MICU2: variants seen among roughly 807,000 people sequenced by gnomAD.
MICU2 encodes calcium uptake protein 2, mitochondrial.
A neutral mutation model predicts 60.4 loss-of-function variants in MICU2; 64 were observed. The ratio of observed to expected loss-of-function variants is 1.06; its 90% CI spans 0.87 to 1.31. The LOEUF (loss-of-function observed/expected upper bound fraction) is 1.31. Among genes scored for constraint, MICU2 ranks in the 50% most tolerant of loss-of-function variants. MICU2 has a pLI of 0.00. For synonymous variants in MICU2, 201 were observed against 175.0 expected (o/e 1.15, Z -1.17); for missense variants, 569 against 531.0 (o/e 1.07, Z -0.70).
At chr13:21,596,771 T>C (rs988696695) in intron 1 of MICU2, among the ~76,000 whole-genome samples, 9 of 152,138 alleles carry the variant, frequency 5.9e-5, no homozygotes, top group Non-Finnish European at 1.3e-4. Context: ...AAACACATAG[T>C]ATGTAAACCA....
chr13:21,600,793 C>CTATTATTAT (rs10622847), intron 1 of MICU2, among the ~76,000 whole-genome samples: 32,994 of 150,746 alleles, frequency 0.22, 4,358 homozygotes, highest in East Asian at 0.62. Context: ...GACATATTCA[C>CTATTATTAT]TATTATTATT....
At chr13:21,545,010 GACAACAGTATGAAGTTCCTC>G (rs1887381655) in intron 2 of MICU2, among the ~76,000 whole-genome samples, 1 of 152,042 alleles carries the variant, frequency 6.6e-6, no homozygotes. Context: ...TACTACTATG[GACAACAGTATGAAGTTCCTC>G]ACAAAACTAA....
chr13:21,528,229 A>G (rs904179491), intron 4 of MICU2, among the ~76,000 whole-genome samples: 3 of 152,200 alleles, frequency 2.0e-5, no homozygotes, highest in African/African-American at 7.2e-5. Flanking sequence ...AAATTTTGAT[A>G]GTTCTTATAT....
intron 7 of MICU2, 146 bp downstream of exon 7, chr13:21,514,207 T>C (rs1250194508): frequency 6.6e-6 from 4 of 608,638 alleles, no homozygotes; most frequent in Non-Finnish European, 1.1e-5. Flanking sequence ...AGTCTGTTGT[T>C]GACTGAAAAG....
chr13:21,519,217 C>T (rs966844358), intron 6 of MICU2, among the ~76,000 whole-genome samples: 10 of 152,230 alleles, frequency 6.6e-5, no homozygotes, highest in Non-Finnish European at 8.8e-5. Flanking sequence ...CCACCACGCC[C>T]GGCTAATTTT....
intron 9 of MICU2, among the ~76,000 whole-genome samples, chr13:21,499,625 T>C (rs944587416): frequency 6.6e-6 from 1 of 151,514 alleles, no homozygotes; most frequent in African/African-American, 2.4e-5. Context: ...TTAGCCAAGA[T>C]GTTCTCAATC....
chr13:21,589,686 C>CTCCACCCTGACTCCTTCCGATTACCTAT, intron 1 of MICU2, among the ~76,000 whole-genome samples: 1 of 152,186 alleles, frequency 6.6e-6, no homozygotes, highest in Non-Finnish European at 1.5e-5. Context: ...GGATTACCTG[C>CTCCACCCTGACTCCTTCCGATTACCTAT]TCCACCCTGA....
chr13:21,560,560 A>T (rs551091214), intron 2 of MICU2, among the ~76,000 whole-genome samples: 33 of 152,164 alleles, frequency 2.2e-4, no homozygotes, highest in African/African-American at 8.0e-4. Flanking sequence ...CTTCTTTCAG[A>T]GTGTCTTTGC....
intron 1 of MICU2, among the ~76,000 whole-genome samples, chr13:21,596,920 T>C (rs1037943370): frequency 2.6e-5 from 4 of 152,222 alleles, no homozygotes; most frequent in African/African-American, 9.6e-5. Context: ...TAGTTGGTTT[T>C]TGCCATGTCA....
chr13:21,598,936 C>T (rs1463730765), intron 1 of MICU2, among the ~76,000 whole-genome samples: 3 of 152,082 alleles, frequency 2.0e-5, no homozygotes, highest in Non-Finnish European at 2.9e-5. Flanking sequence ...TGTTAGGAAC[C>T]GGACCACACA....
At chr13:21,529,714 G>T (rs900506642) in intron 4 of MICU2, among the ~76,000 whole-genome samples, 1 of 152,192 alleles carries the variant, frequency 6.6e-6, no homozygotes, top group Non-Finnish European at 1.5e-5. Flanking sequence ...GTAAGTCACT[G>T]TAACCTTGAA....
intron 9 of MICU2, among the ~76,000 whole-genome samples, chr13:21,500,240 T>A (rs1476199646): frequency 2.0e-5 from 3 of 152,166 alleles, no homozygotes; most frequent in Admixed American, 6.5e-5. Flanking sequence ...ATTCTTTGTG[T>A]CTGACTCAAT....
rs186927718 is a variant in MICU2, at chr13:21,513,926, A to G, written c.663+427T>C. Among the ~76,000 whole-genome samples the G allele has an allele frequency of 2.2e-4, 33 of 152,246 alleles. 1 individual carries two copies. In the East Asian group the frequency reaches 2.5e-3, roughly 12 times the overall value. ...ATCTCTCTGGAAGAATACACAAGAA[A>G]CTAAAAGTACTAATTGCCCAGGGAG... is the stretch of plus-strand genomic sequence containing the variant. On this transcript the variant is annotated intron_variant, in intron 7 of 11. Coordinates refer to ENST00000382374, the MANE Select transcript of MICU2 (RefSeq NM_152726.3).
chr13:21,601,891 G>C (rs560414948), intron 1 of MICU2, among the ~76,000 whole-genome samples: 223 of 152,020 alleles, frequency 1.5e-3, no homozygotes, highest in African/African-American at 5.2e-3. Flanking sequence ...GGATCACGAG[G>C]TCAGGAGATC....
intron 1 of MICU2, among the ~76,000 whole-genome samples, chr13:21,600,110 A>C (rs1269112761): frequency 6.6e-6 from 1 of 152,220 alleles, no homozygotes; most frequent in Non-Finnish European, 1.5e-5. Flanking sequence ...ATGCATGGAC[A>C]TATGGGGGTC....
At chr13:21,552,271 T>G (rs528742310) in intron 2 of MICU2, among the ~76,000 whole-genome samples, 16 of 152,322 alleles carry the variant, frequency 1.1e-4, no homozygotes, top group Middle Eastern at 3.4e-3. Flanking sequence ...ACCCACTTTT[T>G]GATGGGGTTG....
At chr13:21,596,870 A>G (rs1888705720) in intron 1 of MICU2, among the ~76,000 whole-genome samples, 1 of 152,264 alleles carries the variant, frequency 6.6e-6, no homozygotes, top group Non-Finnish European at 1.5e-5. Flanking sequence ...TAAAATGTGT[A>G]ACATGCATTT....
intron 9 of MICU2, chr13:21,496,383 G>A: frequency 2.2e-6 from 1 of 451,796 alleles, no homozygotes; most frequent in Non-Finnish European, 3.9e-6. Context: ...GGCCTCACCA[G>A]AAACTGGCCC....
At chr13:21,579,951 T>C (rs1178288110) in intron 1 of MICU2, among the ~76,000 whole-genome samples, 1 of 152,236 alleles carries the variant, frequency 6.6e-6, no homozygotes, top group Non-Finnish European at 1.5e-5. Context: ...TGGTTATTTT[T>C]CTGTTTTGCT....
Sources: gnomAD v4.1 joint callset for allele counts (sites outside exome capture counted in the v4.1 genomes callset) on GRCh38, gnomAD v4.1.1 for gene constraint, MANE v1.5 for transcripts, NCBI Gene and HGNC (gene_info 2026-07-23, HGNC 2026-07-21) for gene names.